KATNBL1: variants seen among roughly 807,000 people sequenced by gnomAD.
KATNBL1 encodes the protein KATNB1-like protein 1.
In KATNBL1, 28 loss-of-function variants were observed where a neutral mutation model predicts 44.7. The ratio of observed to expected loss-of-function variants is 0.63; its 90% CI spans 0.46 to 0.86. The LOEUF (loss-of-function observed/expected upper bound fraction) is 0.86, where lower values mean the gene tolerates loss of function less well. KATNBL1 is among the 40% of genes least tolerant of loss of function. The pLI is 0.00. For missense variants in KATNBL1, 272 were observed against 350.7 expected (o/e 0.78, Z 1.79); for synonymous variants, 78 against 114.9 (o/e 0.68, Z 2.06).
intron 1 of KATNBL1, among the ~76,000 whole-genome samples, chr15:34,201,987 A>T (rs1890186840): frequency 6.6e-6 from 1 of 152,198 alleles, no homozygotes; most frequent in Admixed American, 6.5e-5. Context: ...GTATGGGAGG[A>T]TGTGCAAAGG....
At chr15:34,145,947 CTTTTT>C (rs35429469) in intron 8 of KATNBL1, 2 of 123,316 alleles carry the variant, frequency 1.6e-5, no homozygotes, top group Non-Finnish European at 3.3e-5. Flanking sequence ...TAAATTGTGG[CTTTTT>C]TTTTTTTTTT....
intron 1 of KATNBL1, among the ~76,000 whole-genome samples, chr15:34,199,286 A>C (rs2140999132): frequency 6.6e-6 from 1 of 152,162 alleles, no homozygotes; most frequent in East Asian, 1.9e-4. Context: ...AAAATACAAA[A>C]ATTAGCCTGG....
rs1368146169 is a variant in KATNBL1 at position 34,141,674 on chromosome 15, C to A, written c.*665G>T. The A allele has an allele frequency of 6.6e-6, 1 of 152,544 alleles. No homozygotes were observed. The highest frequency in any genetic ancestry group is 2.4e-5 in the African/African-American group (1 of 41,434). 9.4% of individuals were successfully genotyped at this position (152,544 alleles called of 1,614,324 possible). On this transcript the variant is annotated 3_prime_UTR_variant, in exon 10 of 10. Coordinates refer to ENST00000256544, the MANE Select transcript of KATNBL1 (RefSeq NM_024713.3). ...CAGAGAGTGTTTCAAGAACACTCTA[C>A]AAGAATGTAAACCCCTGATTTAATT...
At chr15:34,175,687 T>C (rs1312568721) in intron 1 of KATNBL1, among the ~76,000 whole-genome samples, 1 of 152,152 alleles carries the variant, frequency 6.6e-6, no homozygotes, top group Non-Finnish European at 1.5e-5. Flanking sequence ...AATAACAATG[T>C]TGAGAAAGAT....
chr15:34,148,722 T>C lies in KATNBL1; in HGVS notation c.467A>G (p.Gln156Arg). The change falls in exon 5 of 10, where the codon CAA becomes CGA. Residue 156 changes from glutamine to arginine, a missense_variant. Coordinates refer to ENST00000256544, the MANE Select transcript of KATNBL1 (RefSeq NM_024713.3). ...TCTCATATTCCTGCTGAACAAAACTTGGGCCATTGTTTCATGGTCCTGAGA... is the reference window on the plus strand; with the variant it reads ...TCTCATATTCCTGCTGAACAAAACTCGGGCCATTGTTTCATGGTCCTGAGA... ...EVSQDHETMA[Q>R]VLFSRNMRLN... The C allele has an allele frequency of 6.2e-7, 1 of 1,612,104 alleles. No homozygotes were observed. The highest frequency in any genetic ancestry group is 8.5e-7 in the Non-Finnish European group (1 of 1,178,144).
rs1284747148 is a variant in KATNBL1 at position 34,206,805 on chromosome 15, G to A, written c.-15+3146C>T. ...AGACTCCGTCTCAAAAAAAAAAAAA[G>A]AAAAGAAAAGTCAAATTACACCCTT... On this transcript the variant is annotated intron_variant, in intron 1 of 9. Transcript: ENST00000256544. Among the ~76,000 whole-genome samples, 9 of 149,732 alleles carry A rather than the reference G, an allele frequency of 6.0e-5. No individual in the cohort carries two copies. In the South Asian group the frequency reaches 1.7e-3, roughly 28 times the overall value.
At chr15:34,207,092 T>G (rs1400332330) in intron 1 of KATNBL1, among the ~76,000 whole-genome samples, 4 of 150,364 alleles carry the variant, frequency 2.7e-5, no homozygotes, top group Admixed American at 6.7e-5. Flanking sequence ...CAGGCTGGAG[T>G]GCAGTGATAT....
At chr15:34,173,119 A>C (rs1387338794) in intron 1 of KATNBL1, among the ~76,000 whole-genome samples, 1 of 152,070 alleles carries the variant, frequency 6.6e-6, no homozygotes, top group Non-Finnish European at 1.5e-5. Context: ...GAAGAAAAAA[A>C]AAACCAGAAG....
At chr15:34,166,709 G>C (rs2140936996) in intron 1 of KATNBL1, among the ~76,000 whole-genome samples, 1 of 152,318 alleles carries the variant, frequency 6.6e-6, no homozygotes, top group Middle Eastern at 3.4e-3. Flanking sequence ...ACCTCATACA[G>C]GTGGGTTCCC....
intron 1 of KATNBL1, among the ~76,000 whole-genome samples, chr15:34,188,161 A>AAAAAAAAAAAAAAAAAAAAAAAT (rs1889774381): frequency 6.7e-6 from 1 of 149,082 alleles, no homozygotes; most frequent in East Asian, 1.9e-4. Context: ...AAAAAAAAAA[A>AAAAAAAAAAAAAAAAAAAAAAAT]AAAAGAAAAT....
intron 1 of KATNBL1, among the ~76,000 whole-genome samples, chr15:34,172,041 C>G (rs1431446228): frequency 6.6e-6 from 1 of 151,868 alleles, no homozygotes; most frequent in East Asian, 1.9e-4. Flanking sequence ...TGTAACAAAC[C>G]TGCATGTTGT....
At chr15:34,164,476 C>G (rs1436254321) in intron 1 of KATNBL1, among the ~76,000 whole-genome samples, 1 of 151,286 alleles carries the variant, frequency 6.6e-6, no homozygotes, top group Non-Finnish European at 1.5e-5. Flanking sequence ...TTAAATTCTT[C>G]TTTCATTTTT....
chr15:34,194,373 C>T (rs892195784), intron 1 of KATNBL1, among the ~76,000 whole-genome samples: 1 of 152,040 alleles, frequency 6.6e-6, no homozygotes, highest in Non-Finnish European at 1.5e-5. Context: ...CTTTGAAAGG[C>T]CAAGGCGGGA....
At chr15:34,174,666 CTT>C (rs926234713) in intron 1 of KATNBL1, among the ~76,000 whole-genome samples, 33 of 147,856 alleles carry the variant, frequency 2.2e-4, no homozygotes, top group African/African-American at 7.9e-4. Context: ...CAAATACTAA[CTT>C]TTTTTTTTTT....
At chr15:34,199,889 G>C (rs887217701) in intron 1 of KATNBL1, 1 of 152,098 alleles carries the variant, frequency 6.6e-6, no homozygotes, top group Non-Finnish European at 1.5e-5. Context: ...GACCCGAGCC[G>C]GTTGCCACTA....
In KATNBL1 at chr15:34,178,492, T is replaced by A. The variant is rs1190637170; in HGVS notation, c.-14-14802A>T. On this transcript the variant is annotated intron_variant, in intron 1 of 9. Transcript: ENST00000256544. ...ATTTCAATGGGCCGGGCGTGGTGGC[T>A]CTCACCTGTAATCTCAGCACTTTGG... Among the ~76,000 whole-genome samples, 10 of 152,238 alleles carry A rather than the reference T, an allele frequency of 6.6e-5. No individual in the cohort carries two copies. The South Asian group carries it at 1.9e-3, about 28-fold the overall frequency.
intron 1 of KATNBL1, among the ~76,000 whole-genome samples, chr15:34,198,614 C>CA (rs1475943981): frequency 6.6e-6 from 1 of 152,036 alleles, no homozygotes; most frequent in East Asian, 1.9e-4. Flanking sequence ...AAAAGTGTTC[C>CA]AAAAAAATAC....
chr15:34,191,675 C>T (rs547716672), intron 1 of KATNBL1, among the ~76,000 whole-genome samples: 1 of 151,998 alleles, frequency 6.6e-6, no homozygotes, highest in African/African-American at 2.4e-5. Flanking sequence ...TGGCTGGGCG[C>T]AGTGGCTCAC....
chr15:34,145,241 C>A, intron 9 of KATNBL1, 157 bp downstream of exon 9: 2 of 1,404,878 alleles, frequency 1.4e-6, no homozygotes, highest in Non-Finnish European at 1.9e-6. Context: ...GTCACAGTTA[C>A]ACGCAGAGGA....
Sources: gnomAD v4.1 joint callset for allele counts (sites outside exome capture counted in the v4.1 genomes callset) on GRCh38, gnomAD v4.1.1 for gene constraint, MANE v1.5 for transcripts, NCBI Gene and HGNC (gene_info 2026-07-23, HGNC 2026-07-21) for gene names.